GPC6: variants seen among roughly 807,000 people sequenced by gnomAD.
GPC6 encodes the protein glypican-6.
Under a neutral mutation model 55.2 loss-of-function variants are expected in GPC6, and 14 were observed. The observed-to-expected ratio is 0.25, with a 90% CI of 0.17 to 0.40. The LOEUF (loss-of-function observed/expected upper bound fraction) is 0.40, where lower values mean the gene tolerates loss of function less well. GPC6 is among the 10% of genes least tolerant of loss of function. The probability of loss-of-function intolerance (pLI) is 1.00; values close to 1 mark genes in which losing one functional copy is unlikely to be tolerated. For synonymous variants in GPC6, 278 were observed against 259.6 expected (o/e 1.07, Z -0.68); for missense variants, 641 against 708.5 (o/e 0.90, Z 1.08).
chr13:93,970,753 A>G (rs961869880), intron 3 of GPC6, among the ~76,000 whole-genome samples: 2 of 152,214 alleles, frequency 1.3e-5, no homozygotes, highest in Non-Finnish European at 2.9e-5. Flanking sequence ...TGAAACTCGC[A>G]TCAACACCAA....
chr13:93,562,990 T>C (rs1313054881), intron 2 of GPC6, among the ~76,000 whole-genome samples: 1 of 152,206 alleles, frequency 6.6e-6, no homozygotes, highest in Non-Finnish European at 1.5e-5. Context: ...CAAATCTAAT[T>C]ACCTTGGAAT....
intron 4 of GPC6, among the ~76,000 whole-genome samples, chr13:94,152,054 C>T (rs75267518): frequency 2.7e-3 from 408 of 152,016 alleles, no homozygotes; most frequent in Non-Finnish European, 4.1e-3. Context: ...GTTTCAAATT[C>T]AAAAATTGGG....
At chr13:93,381,345 T>G (rs953108508) in intron 1 of GPC6, among the ~76,000 whole-genome samples, 1 of 152,126 alleles carries the variant, frequency 6.6e-6, no homozygotes, top group Non-Finnish European at 1.5e-5. Context: ...AGGGTGGAGT[T>G]GTTTATGATG....
chr13:93,442,257 G>A lies in GPC6; in HGVS notation c.161-103006G>A, dbSNP rs188853874. On this transcript the variant is annotated intron_variant, in intron 1 of 8. Transcript: ENST00000377047. Reference sequence around the variant, plus strand: ...AGGAGTTTAGGAAGATTTTCTAGCAGCATTGTGCAGGTGGAATTGGAGCGA... The same window carrying A: ...AGGAGTTTAGGAAGATTTTCTAGCAACATTGTGCAGGTGGAATTGGAGCGA... Among the ~76,000 whole-genome samples the A allele has an allele frequency of 3.9e-5, 6 of 152,222 alleles. No homozygotes were observed. The East Asian group carries it at 1.2e-3, about 30-fold the overall frequency.
At chr13:93,320,204 C>T (rs867016547) in intron 1 of GPC6, among the ~76,000 whole-genome samples, 25 of 152,064 alleles carry the variant, frequency 1.6e-4, no homozygotes, top group African/African-American at 4.8e-4. Flanking sequence ...CATAATAATG[C>T]AAATACTGCC....
chr13:93,639,161 A>G (rs1028065283), intron 2 of GPC6, among the ~76,000 whole-genome samples: 1 of 152,102 alleles, frequency 6.6e-6, no homozygotes, highest in African/African-American at 2.4e-5. Context: ...AAAAAATGAA[A>G]TGGAGCAAGG....
chr13:94,135,670 T>C (rs547103227), intron 4 of GPC6, among the ~76,000 whole-genome samples: 1 of 152,346 alleles, frequency 6.6e-6, no homozygotes, highest in African/African-American at 2.4e-5. Flanking sequence ...CAAATCCAGA[T>C]TACCAGTACC....
intron 2 of GPC6, among the ~76,000 whole-genome samples, chr13:93,786,982 C>A (rs1885834374): frequency 6.6e-6 from 1 of 152,156 alleles, no homozygotes; most frequent in African/African-American, 2.4e-5. Context: ...CAAATCACTT[C>A]CTATTGTTGT....
chr13:93,502,042 C>T lies in GPC6; in HGVS notation c.161-43221C>T, dbSNP rs182512890. On this transcript the variant is annotated intron_variant, in intron 1 of 8. Coordinates refer to ENST00000377047, the MANE Select transcript of GPC6 (RefSeq NM_005708.5). ...TATTGGTCTTTTAAAATGTTTCTTC[C>T]TCAATCTAAAGTAATAGACCCAGGC... 2.6e-5 allele frequency among the ~76,000 whole-genome samples: 4 copies of T among 152,120 alleles called. No homozygotes were observed. The East Asian group carries it at 7.7e-4, about 29-fold the overall frequency.
chr13:94,211,484 TA>T (rs1016692297), intron 4 of GPC6, among the ~76,000 whole-genome samples: 5 of 152,164 alleles, frequency 3.3e-5, no homozygotes, highest in African/African-American at 1.2e-4. Flanking sequence ...TTATGAGTAA[TA>T]AAAAATAAGT....
At chr13:94,272,612 G>A (rs1892074607) in intron 4 of GPC6, among the ~76,000 whole-genome samples, 1 of 151,414 alleles carries the variant, frequency 6.6e-6, no homozygotes. Context: ...GGGACCACAG[G>A]CGCCCGCCAC....
intron 1 of GPC6, among the ~76,000 whole-genome samples, chr13:93,254,294 A>G (rs1032813189): frequency 6.6e-6 from 1 of 152,250 alleles, no homozygotes; most frequent in African/African-American, 2.4e-5. Flanking sequence ...ACTGCACTCC[A>G]GCCTGGGTGA....
intron 2 of GPC6, among the ~76,000 whole-genome samples, chr13:93,645,949 C>T (rs993641997): frequency 1.3e-5 from 2 of 152,174 alleles, no homozygotes; most frequent in South Asian, 4.1e-4. Context: ...CAGATATACA[C>T]AGTTACCAAA....
chr13:93,269,626 A>G (rs1192682279), intron 1 of GPC6, among the ~76,000 whole-genome samples: 1 of 152,044 alleles, frequency 6.6e-6, no homozygotes, highest in Admixed American at 6.6e-5. Flanking sequence ...AGCCAACTGT[A>G]TAGAAATATT....
rs78138870 is a variant in GPC6, at chr13:93,810,948, G to C, written c.320-19206G>C. 4.2e-3 allele frequency among the ~76,000 whole-genome samples: 641 copies of C among 152,276 alleles called. 4 individuals carry two copies. Among genetic ancestry groups the C allele is most frequent in the African/African-American group, 0.014 (594 of 41,566 alleles). On this transcript the variant is annotated intron_variant, in intron 2 of 8. Coordinates refer to ENST00000377047, the MANE Select transcript of GPC6 (RefSeq NM_005708.5). ...CATATCTGAACCTGACTGCATGGTC[G>C]TATTCAAACCATTTCAGAAGAAATG...
chr13:93,305,794 C>G (rs1299383932), intron 1 of GPC6, among the ~76,000 whole-genome samples: 1 of 152,150 alleles, frequency 6.6e-6, no homozygotes, highest in Non-Finnish European at 1.5e-5. Context: ...TTTTAGTTTC[C>G]TATTTCCTAA....
chr13:93,962,599 G>A (rs111226339), intron 3 of GPC6, among the ~76,000 whole-genome samples: 2,785 of 152,104 alleles, frequency 0.018, 97 homozygotes, highest in African/African-American at 0.064. Context: ...TTATATAGGT[G>A]TTAGTTATTC....
At chr13:94,031,075 CGT>C (rs2138725293) in intron 4 of GPC6, among the ~76,000 whole-genome samples, 1 of 147,982 alleles carries the variant, frequency 6.8e-6, no homozygotes, top group Non-Finnish European at 1.5e-5. Context: ...TGTGCGTGTG[CGT>C]GTGCGTGTGT....
chr13:93,833,107 TAGAGAGAGAGAGAGAGAGAGAGAGAG>T (rs367949345), intron 3 of GPC6, among the ~76,000 whole-genome samples: 10 of 108,982 alleles, frequency 9.2e-5, no homozygotes, highest in South Asian at 3.1e-4. Flanking sequence ...AGGTAGATGA[TAGAGAGAGAGAGAGAGAGAGAGAGAG>T]AGAGAGAGAG....
Sources: allele counts gnomAD v4.1 joint callset (sites outside exome capture counted in the v4.1 genomes callset), GRCh38; gene constraint gnomAD v4.1.1; transcripts MANE v1.5; gene names NCBI Gene and HGNC (gene_info 2026-07-23, HGNC 2026-07-21).